USP39: variants seen among roughly 807,000 people sequenced by gnomAD.
USP39 encodes the protein ubiquitin specific peptidase 39.
Under a neutral mutation model 66.4 loss-of-function variants are expected in USP39, and 38 were observed. The observed-to-expected ratio is 0.57, with a 90% CI of 0.44 to 0.75. USP39 has a LOEUF of 0.75. Ranked by LOEUF, USP39 falls within the 30% of genes least tolerant of loss-of-function variation. The pLI is 0.00. For synonymous variants in USP39, 303 were observed against 274.6 expected, an observed-to-expected ratio of 1.10 and a Z score of -1.02; for missense variants, 608 against 714.4, an observed-to-expected ratio of 0.85 and a Z score of 1.70.
chr2:85,621,780 CAT>C (rs1323023041), intron 3 of USP39, among the ~76,000 whole-genome samples: 1 of 152,120 alleles, frequency 6.6e-6, no homozygotes, highest in Non-Finnish European at 1.5e-5. Context: ...AAGAGCTAGT[CAT>C]ATGAAAGACT....
At chr2:85,644,919 T>C (rs1461034313) in intron 10 of USP39, 29 bp from the exon 11 acceptor site, 1 of 1,613,506 alleles carries the variant, frequency 6.2e-7, no homozygotes, top group Non-Finnish European at 8.5e-7. Flanking sequence ...TTTGTCTGAT[T>C]ATTCCGGCTT....
At chr2:85,624,451 T>G (rs1674698873) in intron 4 of USP39, among the ~76,000 whole-genome samples, 1 of 152,110 alleles carries the variant, frequency 6.6e-6, no homozygotes, top group Admixed American at 6.6e-5. Context: ...GTTCAAGTGA[T>G]ACTTTTACTT....
At position 85,648,784 on chromosome 2, in the gene USP39, T is replaced by C; in HGVS notation, c.1674T>C (p.Asp558=). 1.2e-6 allele frequency: 2 copies of C among 1,614,166 alleles called. No homozygotes were observed. Among genetic ancestry groups the C allele is most frequent in the Non-Finnish European group, 1.7e-6 (2 of 1,180,020 alleles). Residue 558 remains aspartate (D), a synonymous_variant, in exon 13 of 13, where the codon GAT becomes GAC. Coordinates refer to ENST00000323701, the MANE Select transcript of USP39 (RefSeq NM_006590.4). ...YIQIWKRRDN[D]ETNQQGA ...AGATTTGGAAGAGGCGAGATAATGA[T>C]GAAACCAACCAGCAGGGGGCTTGAA...
At chr2:85,641,205 T>C in intron 10 of USP39, 87 bp downstream of exon 10, 1 of 1,544,574 alleles carries the variant, frequency 6.5e-7, no homozygotes, top group Non-Finnish European at 8.8e-7. Context: ...TTTTGGACTG[T>C]CTTAGTTGGG....
At chr2:85,620,885 G>GC (rs61322492) in intron 2 of USP39, among the ~76,000 whole-genome samples, 11,697 of 152,110 alleles carry the variant, frequency 0.077, 1,508 homozygotes, top group African/African-American at 0.27. Context: ...GTTCCTTACT[G>GC]CCAGTACTCA....
chr2:85,641,660 G>T (rs897581761), intron 10 of USP39, among the ~76,000 whole-genome samples: 11 of 152,116 alleles, frequency 7.2e-5, no homozygotes, highest in African/African-American at 2.4e-4. Flanking sequence ...CCAGCACTTT[G>T]GGAGGCCAAG....
At chr2:85,611,755 C>A (rs1180806946), upstream of USP39, 5 of 1,611,784 alleles carry the variant, frequency 3.1e-6, no homozygotes, top group East Asian at 4.5e-5. Flanking sequence ...TTCTCCTTGG[C>A]CGCCTGCTTC....
upstream of USP39, among the ~76,000 whole-genome samples, chr2:85,609,799 G>C (rs1673391649): frequency 1.3e-5 from 2 of 152,002 alleles, no homozygotes; most frequent in African/African-American, 4.8e-5. Flanking sequence ...TCCTGCCTCA[G>C]CCTCCCGAGT....
At chr2:85,647,258 G>C (rs1053890863) in intron 11 of USP39, among the ~76,000 whole-genome samples, 6 of 152,188 alleles carry the variant, frequency 3.9e-5, no homozygotes, top group Non-Finnish European at 7.3e-5. Flanking sequence ...TGTCTAGTCT[G>C]TCATTTCTGA....
At chr2:85,640,931 A>G (rs372408945) in intron 9 of USP39, 45 bp from the exon 10 acceptor site, 2 of 1,556,232 alleles carry the variant, frequency 1.3e-6, no homozygotes, top group African/African-American at 1.4e-5. Flanking sequence ...CTCTAATACT[A>G]CTGAACTTCA....
intron 6 of USP39, among the ~76,000 whole-genome samples, chr2:85,633,140 A>G (rs2104307108): frequency 6.6e-6 from 1 of 151,634 alleles, no homozygotes; most frequent in East Asian, 1.9e-4. Context: ...TTTTTTTTTG[A>G]GATAGAGTCT....
intron 8 of USP39, 104 bp downstream of exon 8, chr2:85,637,540 A>T (rs1270899438): frequency 7.8e-7 from 1 of 1,281,930 alleles, no homozygotes; most frequent in Non-Finnish European, 1.1e-6. Flanking sequence ...TTGCCCTGTG[A>T]AGAGGTTCAA....
At chr2:85,604,030 G>A (rs1673118138) in intron 1 of USP39, among the ~76,000 whole-genome samples, 1 of 152,210 alleles carries the variant, frequency 6.6e-6, no homozygotes, top group South Asian at 2.1e-4. Flanking sequence ...ATGGTGCACA[G>A]GCGCAGGTTG....
At chr2:85,609,692 T>A, upstream of USP39, 1 of 1,376,536 alleles carries the variant, frequency 7.3e-7, no homozygotes, top group Non-Finnish European at 9.8e-7. Context: ...CCCAGTCTTC[T>A]TTTTTTTGAG....
At chr2:85,614,236 C>T (rs1479077363), upstream of USP39, among the ~76,000 whole-genome samples, 14 of 152,088 alleles carry the variant, frequency 9.2e-5, no homozygotes, top group Admixed American at 9.2e-4. Context: ...GTAAAGTAGC[C>T]AGGTGTCGCG....
chr2:85,611,720 C>A, upstream of USP39: 1 of 1,601,142 alleles, frequency 6.2e-7, no homozygotes, highest in Non-Finnish European at 8.5e-7. Context: ...GCCGCGTCGG[C>A]GCGGGCGTGT....
intron 9 of USP39, chr2:85,639,643 A>G: frequency 3.1e-6 from 1 of 325,336 alleles, no homozygotes; most frequent in Middle Eastern, 9.3e-4. Flanking sequence ...TTTAGTAGAG[A>G]CAGCATGTTG....
rs751550608 is a variant in USP39 at position 85,630,885 on chromosome 2, C to T, written c.888C>T (p.Pro296=). Residue 296 remains proline (P), a synonymous_variant, in exon 6 of 13, where the codon CCC becomes CCT. Transcript: ENST00000323701. ...GAAATTTCAAGGCACATGTGTCTCC[C>T]CATGAGATGCTTCAGGCAGTTGTAC... is the stretch of plus-strand genomic sequence containing the variant. ...NPRNFKAHVS[P]HEMLQAVVLC... 1.2e-6 allele frequency: 2 copies of T among 1,614,154 alleles called. No homozygotes were observed. The highest frequency in any genetic ancestry group is 1.7e-6 in the Non-Finnish European group (2 of 1,180,030).
chr2:85,606,584 G>C (rs984618711), intron 1 of USP39: 2 of 152,214 alleles, frequency 1.3e-5, no homozygotes, highest in Non-Finnish European at 2.9e-5. Context: ...CAGTCACACT[G>C]CATAAATTAG....
Sources: allele counts gnomAD v4.1 joint callset (sites outside exome capture counted in the v4.1 genomes callset), GRCh38; gene constraint gnomAD v4.1.1; transcripts MANE v1.5; gene names NCBI Gene and HGNC (gene_info 2026-07-23, HGNC 2026-07-21).